The following TMC3 variants were observed in gnomAD, a reference collection of about 807,000 sequenced individuals.
TMC3 encodes transmembrane channel like 3.
Under a neutral mutation model 110.6 loss-of-function variants are expected in TMC3, and 98 were observed. The observed-to-expected ratio is 0.89, with a 90% confidence interval of 0.75 to 1.05. The LOEUF is 1.05. Among genes scored for constraint, TMC3 ranks in the 50% least tolerant of loss-of-function variants. The pLI is 0.00. For missense variants in TMC3, 1,319 were observed against 1,373.2 expected, an observed-to-expected ratio of 0.96 and a Z score of 0.62; for synonymous variants, 489 against 513.1, an observed-to-expected ratio of 0.95 and a Z score of 0.63.
chr15:81,352,330 A>G (rs559428251), intron 9 of TMC3, among the ~76,000 whole-genome samples: 2 of 152,308 alleles, frequency 1.3e-5, no homozygotes, highest in East Asian at 3.9e-4. Flanking sequence ...CATTTTGGTC[A>G]ATGACGGACT....
chr15:81,332,633 C>T lies in TMC3; in HGVS notation c.3089G>A (p.Gly1030Glu), dbSNP rs199738244. ...QYPQPPLKPR[G>E]KPRFEPSLTE... ...GAGGGATGGCTCGAACCTGGGCTTC[C>T]CTCTGGGCTTCAGAGGGGGCTGTGG... Residue 1030 changes from glycine to glutamate, a missense_variant, in exon 22 of 22, where the codon GGG (glycine) becomes GAG (glutamate). Transcript: ENST00000359440. 2.1e-4 allele frequency: 338 copies of T among 1,613,934 alleles called. 1 individual carries two copies. The African/African-American group carries it at 4.1e-3, about 20-fold the overall frequency.
intron 9 of TMC3, among the ~76,000 whole-genome samples, chr15:81,354,091 T>A (rs1041049816): frequency 1.3e-5 from 2 of 152,206 alleles, no homozygotes; most frequent in African/African-American, 4.8e-5. Context: ...CTGAAACATA[T>A]CCATTTTTTT....
At position 81,364,175 on chromosome 15, in the gene TMC3, C is replaced by G. The variant is rs78022141; in HGVS notation, c.313-1874G>C. On this transcript the variant is annotated intron_variant, in intron 3 of 21. Coordinates refer to ENST00000359440, the MANE Select transcript of TMC3 (RefSeq NM_001080532.3). ...GTGGGGGTAAAAAAATCTCCCCCACCACCCCATCAGTAGTGCTTGAGGAGC... is the reference window on the plus strand; with the variant it reads ...GTGGGGGTAAAAAAATCTCCCCCACGACCCCATCAGTAGTGCTTGAGGAGC... 9.9e-3 allele frequency among the ~76,000 whole-genome samples: 1,513 copies of G among 152,086 alleles called. 25 individuals are homozygous for G. Among genetic ancestry groups the G allele is most frequent in the African/African-American group, 0.035 (1,455 of 41,454 alleles).
chr15:81,356,419 C>T (rs769684327), intron 8 of TMC3, 28 bp downstream of exon 8: 11 of 1,554,102 alleles, frequency 7.1e-6, no homozygotes, highest in African/African-American at 1.4e-5. Flanking sequence ...TGCCCACCCC[C>T]GCAGGCTGCA....
chr15:81,351,847 GA>G lies in TMC3; in HGVS notation c.936-7del, dbSNP rs757467778. 1 of 1,611,920 alleles carries G rather than the reference GA, an allele frequency of 6.2e-7. No individual in the cohort carries two copies. Among genetic ancestry groups the G allele is most frequent in the South Asian group, 1.1e-5 (1 of 90,410 alleles). On this transcript the variant is annotated splice_region_variant and splice_polypyrimidine_tract_variant and intron_variant, in intron 9 of 21. Transcript: ENST00000359440. ...TCAGGCAGATGGTCACTGCCCTGGG[GA>G]GAGAAACAGGCATGAGAACGGTACA...
Position 81,351,729 on chromosome 15 carries a change from A to G in TMC3, c.1048T>C (p.Ser350Pro). 6.4e-7 allele frequency: 1 copy of G among 1,569,468 alleles called. No homozygotes were observed. The highest frequency in any genetic ancestry group is 8.6e-7 in the Non-Finnish European group (1 of 1,157,368). The change falls in exon 10 of 22, where the codon TCG becomes CCG. Residue 350 changes from serine to proline, a missense_variant. Physicochemically the swap from Ser to Pro is moderately conservative, Grantham distance 74. Transcript: ENST00000359440. ...VVDRSQKLEQ[S>P]KKELTLWEKN... is the part of the protein sequence containing the mutation. ...TCCCAAAGTGTCAGCTCCTTCTTCG[A>G]CTGCTCCAGCTTCTGGGACCGGTCC...
intron 9 of TMC3, among the ~76,000 whole-genome samples, chr15:81,354,452 G>A (rs1377684860): frequency 1.3e-5 from 2 of 152,164 alleles, no homozygotes; most frequent in Admixed American, 6.5e-5. Context: ...TATTCCCAGC[G>A]GTTCAGGGTA....
At position 81,344,013 on chromosome 15, in the gene TMC3, G is replaced by C. The variant is rs775169512; in HGVS notation, c.1551C>G (p.Leu517=). Residue 517 remains leucine, a synonymous_variant, in exon 14 of 22, where the codon CTC becomes CTG. Transcript: ENST00000359440. ...TGAGCAGAATGCTCGCCACGGTGAA[G>C]AGCATGTCAATGATGGAGAGCTTCA... ...EMLKLSIIDM[L]FTVASILLID... is the part of the protein sequence containing the mutation. 10 of 1,612,358 alleles carry C rather than the reference G, an allele frequency of 6.2e-6. No homozygotes were observed. The highest frequency in any genetic ancestry group is 8.5e-6 in the Non-Finnish European group (10 of 1,179,312).
intron 11 of TMC3, 47 bp downstream of exon 11, chr15:81,349,411 G>T (rs2141705549): frequency 7.9e-7 from 1 of 1,264,682 alleles, no homozygotes; most frequent in Non-Finnish European, 1.0e-6. Context: ...CTGTGGGTGG[G>T]CACATGGGTG....
intron 2 of TMC3, 110 bp downstream of exon 2, chr15:81,372,481 C>G (rs1894458612): frequency 5.1e-6 from 7 of 1,376,006 alleles, no homozygotes; most frequent in Middle Eastern, 2.6e-4. Context: ...TCAAGAGTGA[C>G]TGAGCCATCT....
At chr15:81,358,537 G>T in intron 5 of TMC3, 37 bp from the exon 6 acceptor site, 2 of 1,538,630 alleles carry the variant, frequency 1.3e-6, no homozygotes, top group Non-Finnish European at 8.8e-7. Context: ...TGGTCCTCTG[G>T]GTGGGAGGGG....
At chr15:81,373,527 T>G in intron 1 of TMC3, among the ~76,000 whole-genome samples, 1 of 152,338 alleles carries the variant, frequency 6.6e-6, no homozygotes, top group East Asian at 1.9e-4. Flanking sequence ...TTTTTTCAAT[T>G]TCACCAAATT....
In TMC3 at chr15:81,332,396, A is replaced by G. The variant is rs1402983398; in HGVS notation, c.*23T>C. The G allele has an allele frequency of 3.2e-6, 5 of 1,572,144 alleles. No individual in the cohort carries two copies. The highest frequency in any genetic ancestry group is 4.3e-6 in the Non-Finnish European group (5 of 1,156,524). On this transcript the variant is annotated 3_prime_UTR_variant, in exon 22 of 22. Coordinates refer to ENST00000359440, the MANE Select transcript of TMC3 (RefSeq NM_001080532.3). ...GCACTCCAACAGGGGCCTGACCTCT[A>G]GGAACGGGACACTGGAGGAAGCCTA...
intron 2 of TMC3, among the ~76,000 whole-genome samples, chr15:81,369,922 T>G (rs1486603088): frequency 1.3e-5 from 2 of 152,086 alleles, no homozygotes; most frequent in Non-Finnish European, 2.9e-5. Flanking sequence ...ACACCCTGTT[T>G]CATAACAAAC....
intron 2 of TMC3, among the ~76,000 whole-genome samples, chr15:81,369,593 A>G (rs1479587366): frequency 6.6e-6 from 1 of 151,946 alleles, no homozygotes; most frequent in Non-Finnish European, 1.5e-5. Context: ...ATGCACACCT[A>G]TTTTGGGTCA....
Position 81,333,040 on chromosome 15 carries a change from G to C in TMC3, c.2682C>G (p.Asp894Glu). Residue 894 changes from aspartate to glutamate, a missense_variant, in exon 22 of 22, where the codon GAC (aspartate) becomes GAG (glutamate). By Grantham distance (45) the Asp-to-Glu change is conservative. Transcript: ENST00000359440. ...CATTTAGATGTTTTTTCTTGTAAGA[G>C]TCACATTCATTAATGACATAGTATC... is the stretch of plus-strand genomic sequence containing the variant. ...APRYYVINEC[D>E]SYKKKHLNVW... 6.2e-7 allele frequency: 1 copy of C among 1,613,698 alleles called. No individual in the cohort carries two copies. Among genetic ancestry groups the C allele is most frequent in the Non-Finnish European group, 8.5e-7 (1 of 1,179,792 alleles).
chr15:81,351,719 T>C lies in TMC3; in HGVS notation c.1058A>G (p.Glu353Gly). Residue 353 changes from glutamate to glycine, a missense_variant, in exon 10 of 22, where the codon GAG becomes GGG. By Grantham distance (98) the Glu-to-Gly change is moderately conservative. Coordinates refer to ENST00000359440, the MANE Select transcript of TMC3 (RefSeq NM_001080532.3). ...RSQKLEQSKK[E>G]LTLWEKNEVS... ...CTCATTCTTTTCCCAAAGTGTCAGC[T>C]CCTTCTTCGACTGCTCCAGCTTCTG... 6.4e-7 allele frequency: 1 copy of C among 1,560,368 alleles called. No individual in the cohort carries two copies. The highest frequency in any genetic ancestry group is 8.7e-7 in the Non-Finnish European group (1 of 1,152,086).
chr15:81,359,343 G>T (rs779354289), intron 5 of TMC3, 22 bp downstream of exon 5: 4 of 1,532,234 alleles, frequency 2.6e-6, no homozygotes, highest in African/African-American at 2.7e-5. Flanking sequence ...GTAATGAGTG[G>T]TACTTTCCTG....
Position 81,332,427 on chromosome 15 carries a change from C to G in TMC3, c.3295G>C (p.Asp1099His). 1 of 1,602,876 alleles carries G rather than the reference C, an allele frequency of 6.2e-7. No homozygotes were observed. The highest frequency in any genetic ancestry group is 8.5e-7 in the Non-Finnish European group (1 of 1,173,618). Residue 1099 changes from aspartate to histidine, a missense_variant, in exon 22 of 22, where the codon GAT becomes CAT. Coordinates refer to ENST00000359440, the MANE Select transcript of TMC3 (RefSeq NM_001080532.3). ...GGGACACTGGAGGAAGCCTAGACAT[C>G]TGAACAAATCAAGTCATCCAGATCC... ...TVDLDDLICSDV is the reference protein window; with the variant it reads ...TVDLDDLICSHV
Sources: allele counts gnomAD v4.1 joint callset (sites outside exome capture counted in the v4.1 genomes callset), GRCh38; gene constraint gnomAD v4.1.1; transcripts MANE v1.5; gene names NCBI Gene and HGNC (gene_info 2026-07-23, HGNC 2026-07-21).